TRPM3: variants seen among roughly 807,000 people sequenced by gnomAD.
The protein encoded by TRPM3 is transient receptor potential cation channel subfamily M member 3.
A neutral mutation model predicts 181.2 loss-of-function variants in TRPM3; 77 were observed. The observed-to-expected ratio is 0.42, with a 90% CI of 0.35 to 0.51. The LOEUF (loss-of-function observed/expected upper bound fraction) is 0.51, where lower values mean the gene tolerates loss of function less well. TRPM3 is among the 20% of genes least tolerant of loss of function. The pLI is 0.01. For synonymous variants in TRPM3, 745 were observed against 796.4 expected (o/e 0.94, Z 1.09); for missense variants, 1,759 against 2,196.7 (o/e 0.80, Z 3.98).
chr9:71,322,156 A>T (rs73466686), intron 1 of TRPM3, among the ~76,000 whole-genome samples: 3,888 of 152,166 alleles, frequency 0.026, 155 homozygotes, highest in African/African-American at 0.088. Flanking sequence ...AAGTACAGAC[A>T]ACTTGAATTT....
intron 1 of TRPM3, among the ~76,000 whole-genome samples, chr9:70,973,555 T>C (rs1480381171): frequency 2.6e-5 from 4 of 152,134 alleles, no homozygotes; most frequent in Non-Finnish European, 4.4e-5. Flanking sequence ...ATCCTTAAGT[T>C]AAAAAATGAA....
At chr9:70,682,183 A>T (rs1414006831) in intron 8 of TRPM3, among the ~76,000 whole-genome samples, 3 of 152,146 alleles carry the variant, frequency 2.0e-5, no homozygotes, top group African/African-American at 7.2e-5. Flanking sequence ...TAAAACTATG[A>T]TTTTGGGGCC....
chr9:71,047,825 C>T (rs951973333), intron 1 of TRPM3, among the ~76,000 whole-genome samples: 1 of 100,416 alleles, frequency 1.0e-5, no homozygotes, highest in African/African-American at 3.0e-5. Flanking sequence ...CACACACACA[C>T]ACACACACAC....
intron 3 of TRPM3, among the ~76,000 whole-genome samples, chr9:70,861,863 T>A (rs938959754): frequency 2.1e-5 from 3 of 145,568 alleles, no homozygotes; most frequent in Non-Finnish European, 3.0e-5. Context: ...AGTTCAGAAT[T>A]ATATTTCATA....
intron 1 of TRPM3, among the ~76,000 whole-genome samples, chr9:71,004,834 T>C (rs187745946): frequency 1.1e-3 from 170 of 152,058 alleles, no homozygotes; most frequent in African/African-American, 3.8e-3. Context: ...ATAAATGAAC[T>C]CATTAGAAAG....
chr9:70,885,305 A>G lies in TRPM3; in HGVS notation c.178-20794T>C, dbSNP rs796666062. ...ATGTTTAGCAACATCTGTGGCCTGT[A>G]TTCACTAGATACCAGTAGCCCACCT... On this transcript the variant is annotated intron_variant, in intron 1 of 25. Transcript: ENST00000677713. 5.6e-4 allele frequency among the ~76,000 whole-genome samples: 85 copies of G among 152,202 alleles called. 1 individual carries two copies. Among genetic ancestry groups the G allele is most frequent in the African/African-American group, 1.9e-3 (80 of 41,530 alleles).
chr9:71,168,565 T>C (rs1228979245), intron 1 of TRPM3, among the ~76,000 whole-genome samples: 2 of 114,742 alleles, frequency 1.7e-5, no homozygotes, highest in Admixed American at 9.0e-5. Context: ...TATTTATTTA[T>C]TTATTTATTT....
At chr9:71,256,966 T>G (rs376434447) in intron 1 of TRPM3, among the ~76,000 whole-genome samples, 1 of 152,184 alleles carries the variant, frequency 6.6e-6, no homozygotes, top group Non-Finnish European at 1.5e-5. Context: ...TCATAATGTA[T>G]AAATCCTAAA....
chr9:71,278,100 A>G (rs2084367943), intron 1 of TRPM3, among the ~76,000 whole-genome samples: 1 of 152,232 alleles, frequency 6.6e-6, no homozygotes, highest in Non-Finnish European at 1.5e-5. Context: ...AGTAGAAATA[A>G]CTGCTTTATT....
chr9:71,428,163 C>T (rs2093898859), intron 1 of TRPM3, among the ~76,000 whole-genome samples: 1 of 151,932 alleles, frequency 6.6e-6, no homozygotes, highest in Non-Finnish European at 1.5e-5. Flanking sequence ...GCAATCTCAG[C>T]TCATTGCAAC....
chr9:71,149,365 T>C (rs1280531686), intron 1 of TRPM3, among the ~76,000 whole-genome samples: 1 of 152,082 alleles, frequency 6.6e-6, no homozygotes, highest in East Asian at 1.9e-4. Flanking sequence ...ATCATGCTAC[T>C]ACACTCCAGC....
chr9:71,181,367 ATT>A (rs59651573), intron 1 of TRPM3, among the ~76,000 whole-genome samples: 60,314 of 141,788 alleles, frequency 0.43, 12,355 homozygotes, highest in East Asian at 0.52. Context: ...GGAAACTGCA[ATT>A]TTTTTTTTTT....
At chr9:71,050,033 C>A (rs907466433) in intron 1 of TRPM3, among the ~76,000 whole-genome samples, 1 of 152,116 alleles carries the variant, frequency 6.6e-6, no homozygotes, top group African/African-American at 2.4e-5. Context: ...ATAATAACAA[C>A]CTTCTTGCAG....
At chr9:71,209,764 G>T (rs2079366580) in intron 1 of TRPM3, among the ~76,000 whole-genome samples, 1 of 152,114 alleles carries the variant, frequency 6.6e-6, no homozygotes. Context: ...ATGTTTCATG[G>T]TACATGAAAA....
intron 17 of TRPM3, 52 bp downstream of exon 17, chr9:70,618,815 T>A: frequency 6.5e-7 from 1 of 1,538,428 alleles, no homozygotes. Context: ...GGGAAAACTC[T>A]AACCCACCCG....
intron 2 of TRPM3, 129 bp from the exon 3 acceptor site, chr9:70,863,241 C>T (rs2095564593): frequency 1.4e-6 from 1 of 721,802 alleles, no homozygotes; most frequent in Non-Finnish European, 2.3e-6. Flanking sequence ...AAGAATTCCA[C>T]CATGTGGCTA....
chr9:71,034,003 G>A (rs1233534784), intron 1 of TRPM3, among the ~76,000 whole-genome samples: 1 of 152,128 alleles, frequency 6.6e-6, no homozygotes, highest in Admixed American at 6.6e-5. Flanking sequence ...TTAGGGATGT[G>A]GGAAGAAACT....
At chr9:70,738,118 T>C (rs1467465169) in intron 8 of TRPM3, among the ~76,000 whole-genome samples, 1 of 152,144 alleles carries the variant, frequency 6.6e-6, no homozygotes, top group South Asian at 2.1e-4. Flanking sequence ...GACCATATGA[T>C]AGGCCACAAA....
chr9:70,599,081 C>T (rs949244140), intron 20 of TRPM3, among the ~76,000 whole-genome samples: 2 of 152,100 alleles, frequency 1.3e-5, no homozygotes, highest in Admixed American at 1.3e-4. Flanking sequence ...TGCACCAAGT[C>T]CTATCACCTC....
Sources: gnomAD v4.1 joint callset for allele counts (sites outside exome capture counted in the v4.1 genomes callset) on GRCh38, gnomAD v4.1.1 for gene constraint, MANE v1.5 for transcripts, NCBI Gene and HGNC (gene_info 2026-07-23, HGNC 2026-07-21) for gene names.